BBS9: variants seen among roughly 807,000 people sequenced by gnomAD.
The protein encoded by BBS9 is Bardet-Biedl syndrome 9.
Under a neutral mutation model 117.7 loss-of-function variants are expected in BBS9, and 89 were observed. The observed-to-expected ratio is 0.76, with a 90% CI of 0.64 to 0.90. The LOEUF is 0.90. Among genes scored for constraint, BBS9 ranks in the 40% least tolerant of loss-of-function variants. The pLI, the probability that BBS9 is intolerant of heterozygous loss-of-function variation, is 0.00. For synonymous variants in BBS9, 379 were observed against 370.9 expected, an observed-to-expected ratio of 1.02 and a Z score of -0.25; for missense variants, 982 against 1,042.2, an observed-to-expected ratio of 0.94 and a Z score of 0.80.
chr7:33,536,676 G>C (rs898563771), intron 21 of BBS9, among the ~76,000 whole-genome samples: 6 of 30,860 alleles, frequency 1.9e-4, no homozygotes, highest in African/African-American at 6.5e-4. Context: ...TCTGTGATTC[G>C]GCCTTCCCCC....
chr7:33,262,797 T>A (rs1798173872), intron 6 of BBS9, among the ~76,000 whole-genome samples: 1 of 152,190 alleles, frequency 6.6e-6, no homozygotes, highest in South Asian at 2.1e-4. Flanking sequence ...TTCTCCTTCT[T>A]TACCAGCGTG....
At chr7:33,566,885 T>C (rs1488621726) in intron 21 of BBS9, among the ~76,000 whole-genome samples, 2 of 152,216 alleles carry the variant, frequency 1.3e-5, no homozygotes, top group Non-Finnish European at 2.9e-5. Flanking sequence ...AGATCCTTTA[T>C]GTTAAAAGTG....
At position 33,519,066 on chromosome 7, in the gene BBS9, C is replaced by G. The variant is rs138878787; in HGVS notation, c.2298+13421C>G. Among the ~76,000 whole-genome samples the G allele has an allele frequency of 4.0e-4, 60 of 150,970 alleles. 1 individual carries two copies. The highest frequency in any genetic ancestry group is 8.3e-4 in the African/African-American group (34 of 41,132). ...AAGTTTCTGGGTGGTCCTGAAAAAT[C>G]CAAAGTAATTAAAGAGAGGAGAGAA... On this transcript the variant is annotated intron_variant, in intron 20 of 22. Transcript: ENST00000242067.
intron 7 of BBS9, among the ~76,000 whole-genome samples, chr7:33,266,943 C>T (rs922123319): frequency 2.6e-5 from 4 of 152,030 alleles, no homozygotes; most frequent in Non-Finnish European, 2.9e-5. Context: ...TGGGGTTTTG[C>T]CGTGTTGACC....
chr7:33,155,808 T>TCAAC, intron 4 of BBS9, 106 bp downstream of exon 4: 1 of 642,294 alleles, frequency 1.6e-6, no homozygotes, highest in Non-Finnish European at 2.8e-6. Flanking sequence ...CACAAAACAT[T>TCAAC]TAGTTGAATG....
chr7:33,217,981 T>C (rs1181787607), intron 5 of BBS9, among the ~76,000 whole-genome samples: 1 of 152,208 alleles, frequency 6.6e-6, no homozygotes, highest in Non-Finnish European at 1.5e-5. Context: ...AAAAAGGTCA[T>C]AGGATGAAAA....
chr7:33,378,669 GC>G (rs1464406235), intron 17 of BBS9, among the ~76,000 whole-genome samples: 1 of 152,168 alleles, frequency 6.6e-6, no homozygotes. Context: ...AGCTCCATAG[GC>G]AGCTGAGGCA....
intron 21 of BBS9, among the ~76,000 whole-genome samples, chr7:33,619,006 C>T (rs1865277879): frequency 6.6e-6 from 1 of 151,938 alleles, no homozygotes; most frequent in Admixed American, 6.6e-5. Flanking sequence ...AATAGAAGTC[C>T]TTCTCATTAA....
intron 9 of BBS9, among the ~76,000 whole-genome samples, chr7:33,328,155 C>G (rs561557853): frequency 6.6e-6 from 1 of 152,260 alleles, no homozygotes; most frequent in East Asian, 1.9e-4. Flanking sequence ...TTTATTTTGT[C>G]CATTGTTTTT....
At chr7:33,557,518 A>G (rs1305031586) in intron 21 of BBS9, among the ~76,000 whole-genome samples, 1 of 125,282 alleles carries the variant, frequency 8.0e-6, no homozygotes, top group Non-Finnish European at 1.7e-5. Flanking sequence ...CTTATTCTCT[A>G]CAAACTTGAC....
At chr7:33,467,155 A>G (rs1840296349) in intron 19 of BBS9, among the ~76,000 whole-genome samples, 1 of 152,136 alleles carries the variant, frequency 6.6e-6, no homozygotes, top group South Asian at 2.1e-4. Context: ...GATGGTCTGA[A>G]GACATTTATT....
chr7:33,463,919 A>C (rs1839825189), intron 19 of BBS9, among the ~76,000 whole-genome samples: 1 of 152,036 alleles, frequency 6.6e-6, no homozygotes, highest in African/African-American at 2.4e-5. Flanking sequence ...ATTTTTCTGG[A>C]TGTATCCATT....
At chr7:33,475,165 T>G (rs764524542) in intron 19 of BBS9, among the ~76,000 whole-genome samples, 3 of 152,218 alleles carry the variant, frequency 2.0e-5, no homozygotes, top group Non-Finnish European at 4.4e-5. Context: ...GCAGTCTATC[T>G]GGTCTCTGTT....
intron 11 of BBS9, among the ~76,000 whole-genome samples, chr7:33,343,591 C>G (rs577046280): frequency 6.6e-6 from 1 of 152,044 alleles, no homozygotes; most frequent in Admixed American, 6.5e-5. Flanking sequence ...CTCCGCCTCC[C>G]GGGTTCAAGC....
chr7:33,475,613 A>G (rs1270476608), intron 19 of BBS9, among the ~76,000 whole-genome samples: 1 of 152,078 alleles, frequency 6.6e-6, no homozygotes, highest in Non-Finnish European at 1.5e-5. Context: ...GAGAAAAAAA[A>G]AAAAGTTTGA....
intron 19 of BBS9, among the ~76,000 whole-genome samples, chr7:33,455,519 A>G (rs1838516407): frequency 6.6e-6 from 1 of 152,070 alleles, no homozygotes; most frequent in South Asian, 2.1e-4. Context: ...CGTTTTTCCT[A>G]TTTCAAAATA....
intron 9 of BBS9, among the ~76,000 whole-genome samples, chr7:33,281,366 C>CTTTT (rs397890694): frequency 1.8e-4 from 8 of 43,878 alleles, no homozygotes; most frequent in East Asian, 7.1e-4. Flanking sequence ...TGGTCTATGC[C>CTTTT]TTTTTTTTTT....
chr7:33,376,200 T>C (rs956546291), intron 17 of BBS9, among the ~76,000 whole-genome samples: 1 of 152,070 alleles, frequency 6.6e-6, no homozygotes, highest in African/African-American at 2.4e-5. Context: ...CACTCTGAGG[T>C]AGGCCCCAGT....
chr7:33,541,625 A>C (rs1852315953), intron 21 of BBS9, among the ~76,000 whole-genome samples: 1 of 152,266 alleles, frequency 6.6e-6, no homozygotes, highest in Non-Finnish European at 1.5e-5. Flanking sequence ...AATAAAAATA[A>C]CTGAAGTTCT....
Sources: allele counts gnomAD v4.1 joint callset (sites outside exome capture counted in the v4.1 genomes callset), GRCh38; gene constraint gnomAD v4.1.1; transcripts MANE v1.5; gene names NCBI Gene and HGNC (gene_info 2026-07-23, HGNC 2026-07-21).